RFC3: variants seen among roughly 807,000 people sequenced by gnomAD.
The protein encoded by RFC3 is replication factor C subunit 3.
RFC3 carries 41 observed loss-of-function variants against 45.1 expected under a neutral mutation model. That is an observed-to-expected ratio of 0.91 (90% CI 0.71 to 1.18). The LOEUF is 1.18. Ranked by LOEUF, RFC3 falls within the 50% of genes most tolerant of loss-of-function variation. The pLI is 0.00. For synonymous variants in RFC3, 149 were observed against 144.0 expected (o/e 1.03, Z -0.25); for missense variants, 423 against 428.1 (o/e 0.99, Z 0.10).
At chr13:33,918,737 C>T (rs2082749105) in intron 8 of RFC3, among the ~76,000 whole-genome samples, 1 of 152,036 alleles carries the variant, frequency 6.6e-6, no homozygotes, top group Non-Finnish European at 1.5e-5. Context: ...CTGTCACATC[C>T]CATTACTCTG....
chr13:33,940,171 T>TA (rs754059170), intron 8 of RFC3, among the ~76,000 whole-genome samples: 2 of 152,226 alleles, frequency 1.3e-5, no homozygotes, highest in Non-Finnish European at 2.9e-5. Context: ...ATTGAATTCT[T>TA]ACATCATTAA....
At chr13:33,888,890 C>T (rs892767394) in intron 8 of RFC3, among the ~76,000 whole-genome samples, 8 of 151,926 alleles carry the variant, frequency 5.3e-5, no homozygotes, top group South Asian at 4.2e-4. Flanking sequence ...GGACTACAGG[C>T]GCCCGCCACC....
intron 8 of RFC3, among the ~76,000 whole-genome samples, chr13:33,854,878 A>G (rs2082298887): frequency 6.6e-6 from 1 of 152,218 alleles, no homozygotes; most frequent in Admixed American, 6.5e-5. Context: ...AAAAGAAGGA[A>G]GAACCAAGGC....
Position 33,880,672 on chromosome 13 carries a change from A to G in RFC3, c.879+45455A>G, listed in dbSNP as rs144378896. ...CTGTATTGCACAGCACAACTCTAGAATCGAGACCATGGTAGATCAACTCTG... is the reference window on the plus strand; with the variant it reads ...CTGTATTGCACAGCACAACTCTAGAGTCGAGACCATGGTAGATCAACTCTG... On this transcript the variant is annotated intron_variant, in intron 8 of 8. Coordinates refer to the RFC3 transcript ENST00000434425. Among the ~76,000 whole-genome samples, 785 of 152,298 alleles carry G rather than the reference A, an allele frequency of 5.2e-3. 4 individuals carry two copies. Among genetic ancestry groups the G allele is most frequent in the African/African-American group, 0.018 (742 of 41,552 alleles).
chr13:33,942,966 G>A (rs922022700), intron 8 of RFC3, among the ~76,000 whole-genome samples: 6 of 152,148 alleles, frequency 3.9e-5, no homozygotes. Flanking sequence ...ATGGAGTGAG[G>A]CATAGGAAAC....
At chr13:33,938,184 C>CAAAGAAAAA (rs2082899896) in intron 8 of RFC3, among the ~76,000 whole-genome samples, 1 of 70,782 alleles carries the variant, frequency 1.4e-5, no homozygotes, top group Non-Finnish European at 2.5e-5. Context: ...AGTCCAACTG[C>CAAAGAAAAA]AAAAAAAAAA....
chr13:33,971,059 A>T (rs1054050338), downstream of RFC3, among the ~76,000 whole-genome samples: 1 of 152,216 alleles, frequency 6.6e-6, no homozygotes, highest in African/African-American at 2.4e-5. Context: ...TAAAAAAAAT[A>T]TAGAATAGAA....
chr13:33,946,081 T>C (rs576231639), intron 8 of RFC3, among the ~76,000 whole-genome samples: 2 of 152,194 alleles, frequency 1.3e-5, no homozygotes, highest in Admixed American at 6.5e-5. Flanking sequence ...GATAATCTCA[T>C]GTTGCCTGGG....
intron 8 of RFC3, among the ~76,000 whole-genome samples, chr13:33,851,766 A>G (rs1444169286): frequency 1.3e-5 from 2 of 152,188 alleles, no homozygotes; most frequent in East Asian, 3.9e-4. Context: ...AGCATTGCAC[A>G]CACATATGAT....
intron 8 of RFC3, among the ~76,000 whole-genome samples, chr13:33,948,448 G>A (rs960250825): frequency 6.6e-6 from 1 of 152,254 alleles, no homozygotes; most frequent in Admixed American, 6.5e-5. Context: ...CACTAGGGCA[G>A]TGTGGAAAGT....
chr13:33,966,027 A>C, intron 8 of RFC3: 2 of 1,194,932 alleles, frequency 1.7e-6, no homozygotes. Flanking sequence ...CCTCTATGGA[A>C]TCTCATTCAT....
chr13:33,849,127 T>C (rs1263885990), intron 8 of RFC3: 2 of 152,378 alleles, frequency 1.3e-5, no homozygotes, highest in Non-Finnish European at 2.9e-5. Flanking sequence ...ATGTGTGCTG[T>C]GGAGGTGGAG....
chr13:33,866,092 C>A (rs1256207729), intron 8 of RFC3, among the ~76,000 whole-genome samples: 1 of 152,104 alleles, frequency 6.6e-6, no homozygotes, highest in Non-Finnish European at 1.5e-5. Flanking sequence ...CTCGGTGTAC[C>A]ATAGACTATG....
intron 8 of RFC3, among the ~76,000 whole-genome samples, chr13:33,854,904 C>T (rs1002486523): frequency 6.6e-6 from 1 of 151,938 alleles, no homozygotes; most frequent in Non-Finnish European, 1.5e-5. Flanking sequence ...TTTAGATATA[C>T]CCCAGGGCCA....
At chr13:33,967,886 T>C (rs1024728388), downstream of RFC3, among the ~76,000 whole-genome samples, 2 of 152,206 alleles carry the variant, frequency 1.3e-5, no homozygotes, top group Admixed American at 6.5e-5. Context: ...CTTATTGATA[T>C]CTTAATTTTA....
chr13:33,965,073 T>G (rs1327276936), intron 8 of RFC3, among the ~76,000 whole-genome samples: 2 of 152,146 alleles, frequency 1.3e-5, no homozygotes, highest in African/African-American at 2.4e-5. Flanking sequence ...GAATTTGAAC[T>G]TCTGGTCTCT....
At chr13:33,967,509 A>G (rs1406402411), downstream of RFC3, among the ~76,000 whole-genome samples, 2 of 104,450 alleles carry the variant, frequency 1.9e-5, no homozygotes, top group Admixed American at 1.3e-4. Flanking sequence ...TTTTTTTGAG[A>G]TGGAGTCTTG....
At chr13:33,948,513 T>A (rs189054234) in intron 8 of RFC3, among the ~76,000 whole-genome samples, 8 of 152,304 alleles carry the variant, frequency 5.3e-5, no homozygotes, top group Admixed American at 5.2e-4. Context: ...CTCGTGGAGC[T>A]GTGAGAAGAG....
At chr13:33,890,751 G>C (rs2082558503) in intron 8 of RFC3, among the ~76,000 whole-genome samples, 1 of 152,142 alleles carries the variant, frequency 6.6e-6, no homozygotes, top group African/African-American at 2.4e-5. Context: ...CCATCTTATT[G>C]ATGATGAACA....
Sources: gnomAD v4.1 joint callset for allele counts (sites outside exome capture counted in the v4.1 genomes callset) on GRCh38, gnomAD v4.1.1 for gene constraint, MANE v1.5 for transcripts, NCBI Gene and HGNC (gene_info 2026-07-23, HGNC 2026-07-21) for gene names.